FOXP1: variants seen among roughly 807,000 people sequenced by gnomAD.
The protein encoded by FOXP1 is forkhead box P1, also known as forkhead box protein P1.
Under a neutral mutation model 98.2 loss-of-function variants are expected in FOXP1, and 15 were observed. That is an observed-to-expected ratio of 0.15 (90% CI 0.10 to 0.24). FOXP1 has a LOEUF of 0.24. Ranked by LOEUF, FOXP1 falls within the 10% of genes least tolerant of loss-of-function variation. The pLI is 1.00. For missense variants in FOXP1, 633 were observed against 848.5 expected, an observed-to-expected ratio of 0.75 and a Z score of 3.15; for synonymous variants, 371 against 314.5, an observed-to-expected ratio of 1.18 and a Z score of -1.90.
At chr3:71,427,590 T>C (rs1272987600) in intron 3 of FOXP1, among the ~76,000 whole-genome samples, 1 of 152,092 alleles carries the variant, frequency 6.6e-6, no homozygotes. Context: ...AGGAGGGACA[T>C]ATAAAGGCAG....
Position 70,977,629 on chromosome 3 carries a change from TGTTA to T in FOXP1, c.1428+10_1428+13del, listed in dbSNP as rs1462010246. 6.3e-7 allele frequency: 1 copy of T among 1,584,652 alleles called. No homozygotes were observed. ...CCTTCTGACAGAATTTCATATACTG[TGTTA>T]TTTACTTACCTGCCTAATTAAAGAT... On this transcript the variant is annotated intron_variant, in intron 16 of 20. Transcript: ENST00000649528.
At chr3:71,425,031 T>C (rs1300291233) in intron 3 of FOXP1, among the ~76,000 whole-genome samples, 1 of 152,242 alleles carries the variant, frequency 6.6e-6, no homozygotes, top group South Asian at 2.1e-4. Flanking sequence ...TTTGTATTCA[T>C]ATACTGGAAA....
intron 3 of FOXP1, among the ~76,000 whole-genome samples, chr3:71,492,539 C>A (rs1395092631): frequency 6.6e-6 from 1 of 152,098 alleles, no homozygotes; most frequent in East Asian, 1.9e-4. Flanking sequence ...CAATACAGTG[C>A]CCTTTCTGCT....
At chr3:71,322,136 G>C (rs192834337) in intron 4 of FOXP1, among the ~76,000 whole-genome samples, 1 of 152,148 alleles carries the variant, frequency 6.6e-6, no homozygotes, top group Non-Finnish European at 1.5e-5. Context: ...CATTCATTCC[G>C]TTGTTTAGCA....
At chr3:71,244,409 T>C (rs2067543664) in intron 5 of FOXP1, among the ~76,000 whole-genome samples, 1 of 150,448 alleles carries the variant, frequency 6.6e-6, no homozygotes, top group African/African-American at 2.5e-5. Context: ...AAGCACAGAG[T>C]TGAGCAACCT....
chr3:71,217,584 T>C (rs114151359), intron 5 of FOXP1, among the ~76,000 whole-genome samples: 2,496 of 152,144 alleles, frequency 0.016, 26 homozygotes, highest in African/African-American at 0.024. Flanking sequence ...TAGAGTAGTA[T>C]ATTTCAAGAG....
chr3:71,180,479 A>G (rs1412355016), intron 6 of FOXP1, among the ~76,000 whole-genome samples: 1 of 150,050 alleles, frequency 6.7e-6, no homozygotes, highest in African/African-American at 2.5e-5. Context: ...ATTTAGCAAG[A>G]AAAAAAAATA....
At chr3:71,178,007 T>C (rs1225456580) in intron 6 of FOXP1, among the ~76,000 whole-genome samples, 1 of 151,396 alleles carries the variant, frequency 6.6e-6, no homozygotes, top group Admixed American at 6.6e-5. Flanking sequence ...GGCTATTTTT[T>C]ATTTTTAGTA....
chr3:71,424,214 C>A (rs2083900008), intron 3 of FOXP1, among the ~76,000 whole-genome samples: 1 of 152,186 alleles, frequency 6.6e-6, no homozygotes, highest in South Asian at 2.1e-4. Flanking sequence ...AAGGAAGGGA[C>A]AATGATTTTG....
chr3:71,002,766 A>T (rs1303198608), intron 12 of FOXP1, among the ~76,000 whole-genome samples: 1 of 152,174 alleles, frequency 6.6e-6, no homozygotes, highest in African/African-American at 2.4e-5. Context: ...AAATTCAGAA[A>T]TCGAGGTTCA....
chr3:70,982,037 T>C (rs1009545785), intron 14 of FOXP1, among the ~76,000 whole-genome samples: 4 of 152,184 alleles, frequency 2.6e-5, no homozygotes, highest in Non-Finnish European at 5.9e-5. Flanking sequence ...ATCACATGCT[T>C]GTCTGGAGGA....
At chr3:71,401,442 C>T (rs907529272) in intron 3 of FOXP1, among the ~76,000 whole-genome samples, 2 of 152,066 alleles carry the variant, frequency 1.3e-5, no homozygotes, top group African/African-American at 4.8e-5. Context: ...TCCCCAGAAG[C>T]TGTCAGGCTA....
At chr3:71,233,290 G>T (rs1348962213) in intron 5 of FOXP1, among the ~76,000 whole-genome samples, 2 of 151,640 alleles carry the variant, frequency 1.3e-5, no homozygotes, top group Non-Finnish European at 2.9e-5. Context: ...GAAGGGAAAT[G>T]GTTTCCACTT....
At chr3:71,050,370 T>G (rs1322440779) in intron 9 of FOXP1, among the ~76,000 whole-genome samples, 1 of 152,160 alleles carries the variant, frequency 6.6e-6, no homozygotes, top group Non-Finnish European at 1.5e-5. Flanking sequence ...TAATAAGAAG[T>G]GGCAACAGAA....
At chr3:71,155,470 T>C (rs1560033679) in intron 6 of FOXP1, among the ~76,000 whole-genome samples, 1 of 152,192 alleles carries the variant, frequency 6.6e-6, no homozygotes, top group Non-Finnish European at 1.5e-5. Context: ...GTCTTTAAAA[T>C]CCAGTTTGTA....
intron 3 of FOXP1, among the ~76,000 whole-genome samples, chr3:71,414,323 A>C (rs755378098): frequency 3.9e-5 from 6 of 152,148 alleles, no homozygotes; most frequent in Non-Finnish European, 7.3e-5. Flanking sequence ...CTGTGCCTCC[A>C]CACCCAGCTC....
intron 13 of FOXP1, among the ~76,000 whole-genome samples, chr3:70,994,795 T>C (rs2041131471): frequency 6.6e-6 from 1 of 152,210 alleles, no homozygotes. Flanking sequence ...GCTTTCAATA[T>C]TCATTTTAAA....
intron 4 of FOXP1, among the ~76,000 whole-genome samples, chr3:71,356,095 T>C (rs1577109501): frequency 6.6e-6 from 1 of 150,768 alleles, no homozygotes; most frequent in Non-Finnish European, 1.5e-5. Flanking sequence ...AAGATCGACA[T>C]CATGTAACAT....
intron 7 of FOXP1, among the ~76,000 whole-genome samples, chr3:71,067,763 C>A (rs188436661): frequency 8.7e-5 from 13 of 149,784 alleles, no homozygotes; most frequent in African/African-American, 3.3e-4. Flanking sequence ...CACACACACA[C>A]AATTAGCCAC....
Sources: gnomAD v4.1 joint callset for allele counts (sites outside exome capture counted in the v4.1 genomes callset) on GRCh38, gnomAD v4.1.1 for gene constraint, MANE v1.5 for transcripts, NCBI Gene and HGNC (gene_info 2026-07-23, HGNC 2026-07-21) for gene names.